The following FBXL17 variants were observed in gnomAD, a reference collection of about 807,000 sequenced individuals.
The protein encoded by FBXL17 is F-box and leucine rich repeat protein 17.
Under a neutral mutation model 66.2 loss-of-function variants are expected in FBXL17, and 22 were observed. The observed-to-expected ratio is 0.33, with a 90% CI of 0.24 to 0.47. The LOEUF (loss-of-function observed/expected upper bound fraction) is 0.47. Ranked by LOEUF, FBXL17 falls within the 20% of genes least tolerant of loss-of-function variation. The pLI is 1.00. For missense variants in FBXL17, 878 were observed against 948.2 expected, an observed-to-expected ratio of 0.93 and a Z score of 0.97; for synonymous variants, 474 against 400.5, an observed-to-expected ratio of 1.18 and a Z score of -2.19.
At chr5:108,213,401 C>A (rs151179432) in intron 5 of FBXL17, among the ~76,000 whole-genome samples, 1 of 152,322 alleles carries the variant, frequency 6.6e-6, no homozygotes, top group East Asian at 1.9e-4. Flanking sequence ...CAGTTTTGTG[C>A]TTGAAACCCA....
intron 4 of FBXL17, among the ~76,000 whole-genome samples, chr5:108,272,869 G>GA (rs1244011331): frequency 6.6e-6 from 1 of 152,182 alleles, no homozygotes; most frequent in Non-Finnish European, 1.5e-5. Context: ...AGTATGGTAT[G>GA]AAAAACATAA....
chr5:108,056,962 C>A (rs1303857486), intron 6 of FBXL17, among the ~76,000 whole-genome samples: 1 of 152,136 alleles, frequency 6.6e-6, no homozygotes, highest in Non-Finnish European at 1.5e-5. Flanking sequence ...GCAGCCAGGT[C>A]GTTAGAGACA....
intron 7 of FBXL17, among the ~76,000 whole-genome samples, chr5:107,987,561 C>G (rs1753064436): frequency 6.6e-6 from 1 of 152,000 alleles, no homozygotes; most frequent in African/African-American, 2.4e-5. Context: ...AGACACACAA[C>G]TAGTAAGACA....
chr5:108,135,902 T>A (rs892791844), intron 6 of FBXL17, among the ~76,000 whole-genome samples: 1 of 152,114 alleles, frequency 6.6e-6, no homozygotes, highest in Non-Finnish European at 1.5e-5. Flanking sequence ...TTCTAAAATA[T>A]TCATCTCTTC....
chr5:108,068,160 TA>T (rs539662033), intron 6 of FBXL17, among the ~76,000 whole-genome samples: 2 of 152,174 alleles, frequency 1.3e-5, no homozygotes, highest in Non-Finnish European at 2.9e-5. Context: ...ATTCTTTACT[TA>T]AAAAAACTTT....
In FBXL17 at chr5:108,197,975, T is replaced by G. The variant is rs189588915; in HGVS notation, c.1615-11728A>C. On this transcript the variant is annotated intron_variant, in intron 5 of 8. Transcript: ENST00000542267. ...TTCTATCCCGTGATCAGATACTGTT[T>G]CAAAGAGTGGATGAGAAACTTTCGT... is the stretch of plus-strand genomic sequence containing the variant. 3.9e-5 allele frequency among the ~76,000 whole-genome samples: 6 copies of G among 152,252 alleles called. No individual in the cohort carries two copies. In the East Asian group the frequency reaches 9.7e-4, roughly 25 times the overall value.
At chr5:107,892,444 A>C (rs1265706399) in intron 7 of FBXL17, among the ~76,000 whole-genome samples, 1 of 152,122 alleles carries the variant, frequency 6.6e-6, no homozygotes, top group Non-Finnish European at 1.5e-5. Flanking sequence ...ATTTTTCCTT[A>C]CATGTTTGTG....
At chr5:107,913,973 G>GTTT (rs34578987) in intron 7 of FBXL17, among the ~76,000 whole-genome samples, 4 of 146,810 alleles carry the variant, frequency 2.7e-5, no homozygotes, top group East Asian at 2.0e-4. Flanking sequence ...CATTTTATGA[G>GTTT]TTTTTTTTTT....
intron 6 of FBXL17, among the ~76,000 whole-genome samples, chr5:108,151,641 GA>G (rs1751776208): frequency 6.6e-6 from 1 of 152,118 alleles, no homozygotes; most frequent in Admixed American, 6.5e-5. Context: ...AACTTTTTGA[GA>G]AAGTACTGAC....
chr5:108,116,104 G>T (rs1750237423), intron 6 of FBXL17, among the ~76,000 whole-genome samples: 1 of 152,014 alleles, frequency 6.6e-6, no homozygotes, highest in Non-Finnish European at 1.5e-5. Flanking sequence ...CCCATAGAAA[G>T]AATGTAGTAA....
At chr5:108,369,362 A>G (rs1181816537) in intron 1 of FBXL17, among the ~76,000 whole-genome samples, 2 of 152,108 alleles carry the variant, frequency 1.3e-5, no homozygotes, top group African/African-American at 2.4e-5. Flanking sequence ...ATGTCTCCCT[A>G]AAATGTACAA....
At chr5:108,095,161 C>T (rs1478095089) in intron 6 of FBXL17, among the ~76,000 whole-genome samples, 1 of 151,866 alleles carries the variant, frequency 6.6e-6, no homozygotes, top group African/African-American at 2.4e-5. Context: ...AATTTTTCTT[C>T]CTATTAATGG....
intron 7 of FBXL17, among the ~76,000 whole-genome samples, chr5:107,986,362 T>A (rs1753012449): frequency 6.6e-6 from 1 of 151,774 alleles, no homozygotes; most frequent in South Asian, 2.1e-4. Context: ...ATTAATCTTT[T>A]TAAGGCTAAA....
intron 6 of FBXL17, among the ~76,000 whole-genome samples, chr5:108,041,452 T>C (rs1452658256): frequency 6.6e-6 from 1 of 152,232 alleles, no homozygotes; most frequent in Non-Finnish European, 1.5e-5. Context: ...GGTCTCACTC[T>C]ATCACCCAGG....
chr5:108,348,005 G>A (rs1747390453), intron 4 of FBXL17, among the ~76,000 whole-genome samples: 1 of 151,980 alleles, frequency 6.6e-6, no homozygotes, highest in Admixed American at 6.6e-5. Context: ...TTTTACAAGA[G>A]TACATTTTTC....
At chr5:107,994,488 A>T (rs1753385951) in intron 7 of FBXL17, among the ~76,000 whole-genome samples, 1 of 152,140 alleles carries the variant, frequency 6.6e-6, no homozygotes. Flanking sequence ...CAGGCTGAAG[A>T]TAGCATTAAA....
chr5:108,208,058 T>A (rs1305268336), intron 5 of FBXL17, among the ~76,000 whole-genome samples: 2 of 152,238 alleles, frequency 1.3e-5, no homozygotes, highest in Non-Finnish European at 2.9e-5. Context: ...TACATTTCTC[T>A]AATGACCAGT....
intron 7 of FBXL17, among the ~76,000 whole-genome samples, chr5:108,011,562 G>C (rs189279664): frequency 1.1e-4 from 16 of 152,068 alleles, no homozygotes; most frequent in Non-Finnish European, 2.1e-4. Context: ...CCAGCACTTC[G>C]GGAGGCCAAG....
At chr5:108,269,629 G>C (rs577393228) in intron 4 of FBXL17, among the ~76,000 whole-genome samples, 163 of 151,880 alleles carry the variant, frequency 1.1e-3, no homozygotes, top group African/African-American at 3.7e-3. Context: ...TTAAAATATG[G>C]GTACTGGATC....
Sources: allele counts gnomAD v4.1 joint callset (sites outside exome capture counted in the v4.1 genomes callset), GRCh38; gene constraint gnomAD v4.1.1; transcripts MANE v1.5; gene names NCBI Gene and HGNC (gene_info 2026-07-23, HGNC 2026-07-21).